The following ZNF69 variants were observed in gnomAD, a reference collection of about 807,000 sequenced individuals.
ZNF69 encodes ZNF3.
ZNF69 carries 47 observed loss-of-function variants against 50.9 expected under a neutral mutation model. That is an observed-to-expected ratio of 0.92 (90% CI 0.73 to 1.18). The LOEUF (loss-of-function observed/expected upper bound fraction) is 1.18, where lower values mean the gene tolerates loss of function less well. ZNF69 is among the 50% of genes most tolerant of loss of function. The pLI is 0.00. For synonymous variants in ZNF69, 216 were observed against 223.1 expected, an observed-to-expected ratio of 0.97 and a Z score of 0.29; for missense variants, 717 against 675.1, an observed-to-expected ratio of 1.06 and a Z score of -0.69.
At chr19:11,910,022 C>T (rs1972434304), downstream of ZNF69, among the ~76,000 whole-genome samples, 1 of 150,776 alleles carries the variant, frequency 6.6e-6, no homozygotes, top group Admixed American at 6.6e-5. Flanking sequence ...TCCTATACAC[C>T]AACAACAGAC....
Position 11,887,960 on chromosome 19 carries a change from C to A in ZNF69, c.37C>A (p.Pro13Thr), listed in dbSNP as rs751209722. The A allele has an allele frequency of 3.1e-6, 5 of 1,612,598 alleles. No homozygotes were observed. The African/African-American group carries it at 6.7e-5, about 22-fold the overall frequency. The change falls in exon 1 of 4, where the codon CCC becomes ACC. Residue 13 changes from proline to threonine, a missense_variant. Physicochemically the swap from Pro to Thr is conservative, Grantham distance 38. Coordinates refer to ENST00000429654, the MANE Select transcript of ZNF69 (RefSeq NM_001364730.1). Reference sequence around the variant, plus strand: ...TAGTCACAGGAGGTGTAGAGAGGACCCCGGGACATCTGAAAGCCAGGAAAT... The same window carrying A: ...TAGTCACAGGAGGTGTAGAGAGGACACCGGGACATCTGAAAGCCAGGAAAT... ...CCSHRRCRED[P>T]GTSESQEMDP...
At chr19:11,924,907 T>TCCAATAA in the ZNF69 span, among the ~76,000 whole-genome samples, 13 of 152,302 alleles carry the variant, frequency 8.5e-5, no homozygotes, top group Admixed American at 2.0e-4. Context: ...AATGCAAATA[T>TCCAATAA]CCAATAACCA....
the ZNF69 span, among the ~76,000 whole-genome samples, chr19:11,974,762 C>G: frequency 6.6e-6 from 1 of 152,068 alleles, no homozygotes; most frequent in South Asian, 2.1e-4. Context: ...GCCACCACAC[C>G]TAGCTAATTT....
At chr19:11,966,437 G>GA in the ZNF69 span, among the ~76,000 whole-genome samples, 3 of 152,154 alleles carry the variant, frequency 2.0e-5, no homozygotes, top group African/African-American at 7.2e-5. Flanking sequence ...GCAATGGCTG[G>GA]ATCTCGGCTC....
At chr19:11,957,825 A>G in the ZNF69 span, among the ~76,000 whole-genome samples, 1 of 152,092 alleles carries the variant, frequency 6.6e-6, no homozygotes, top group African/African-American at 2.4e-5. Context: ...AGCCTGGGCT[A>G]CAGAACAAGA....
rs143530496 is a variant in ZNF69 at position 11,893,829 on chromosome 19, C to G, written c.63+5843C>G. ...CCAATTCTTGGGGTGCTCAACTTCT[C>G]TCTCCCAACTCCAATTTCCATTAAT... On this transcript the variant is annotated intron_variant, in intron 1 of 3. Coordinates refer to ENST00000429654, the MANE Select transcript of ZNF69 (RefSeq NM_001364730.1). Among the ~76,000 whole-genome samples, 460 of 152,256 alleles carry G rather than the reference C, an allele frequency of 3.0e-3. 6 individuals are homozygous for G. The East Asian group carries it at 0.035, about 12-fold the overall frequency.
chr19:11,946,777 G>C, the ZNF69 span: 1 of 160,090 alleles, frequency 6.2e-6, no homozygotes, highest in Non-Finnish European at 1.4e-5. Context: ...AGTGGGGTGG[G>C]CTTACTTTGT....
chr19:11,978,928 C>A, the ZNF69 span: 3 of 1,614,062 alleles, frequency 1.9e-6, no homozygotes, highest in Non-Finnish European at 2.5e-6. Flanking sequence ...AGGAGTCACA[C>A]GGGAGAGAAG....
At chr19:11,912,499 T>C (rs1972471654) in intron 4 of ZNF69, among the ~76,000 whole-genome samples, 1 of 152,196 alleles carries the variant, frequency 6.6e-6, no homozygotes, top group Non-Finnish European at 1.5e-5. Context: ...TTCAATATCA[T>C]GAAAGAATTC....
At chr19:11,971,920 G>T in the ZNF69 span, among the ~76,000 whole-genome samples, 1 of 152,114 alleles carries the variant, frequency 6.6e-6, no homozygotes, top group Admixed American at 6.5e-5. Flanking sequence ...AAATTAGCCA[G>T]GCGTGGTGGC....
chr19:11,974,117 CTTTCTTTCTTTT>C, the ZNF69 span, among the ~76,000 whole-genome samples: 1 of 79,636 alleles, frequency 1.3e-5, no homozygotes, highest in African/African-American at 5.0e-5. Context: ...TTCTTTCTTT[CTTTCTTTCTTTT>C]CTTTCTTTCT....
At chr19:11,906,772 C>T (rs1016134184), downstream of ZNF69, among the ~76,000 whole-genome samples, 7 of 152,350 alleles carry the variant, frequency 4.6e-5, no homozygotes, top group African/African-American at 1.2e-4. Flanking sequence ...CGCCTCTTCT[C>T]CTCCAAAGGA....
rs772264142 is a variant in ZNF69, at chr19:11,904,984, A to G, written c.587A>G (p.Glu196Gly). The G allele has an allele frequency of 6.2e-7, 1 of 1,614,190 alleles. No homozygotes were observed. Among genetic ancestry groups the G allele is most frequent in the South Asian group, 1.1e-5 (1 of 91,086 alleles). ...GGAGAGAAACCCTATGCTTGTAAAG[A>G]ATGTGGAAAAACTTTTATTTCCCAT... ...HTGEKPYACKECGKTFISHSS... is the reference protein window; with the variant it reads ...HTGEKPYACKGCGKTFISHSS... The change falls in exon 4 of 4, where the codon GAA becomes GGA. Residue 196 changes from glutamate to glycine, a missense_variant. Transcript: ENST00000429654.
At chr19:11,926,078 T>C in the ZNF69 span, among the ~76,000 whole-genome samples, 2 of 150,026 alleles carry the variant, frequency 1.3e-5, no homozygotes, top group Non-Finnish European at 2.9e-5. Flanking sequence ...TTGGAGGAGG[T>C]AGGAAGGAAG....
At chr19:11,948,751 A>C in the ZNF69 span, 2 of 1,611,950 alleles carry the variant, frequency 1.2e-6, no homozygotes, top group Non-Finnish European at 1.7e-6. Context: ...CCATGAAAGA[A>C]CTCACACTGG....
chr19:11,905,698 A>G lies in ZNF69; in HGVS notation c.1301A>G (p.His434Arg), dbSNP rs1050113741. 1 of 1,614,040 alleles carries G rather than the reference A, an allele frequency of 6.2e-7. No homozygotes were observed. Among genetic ancestry groups the G allele is most frequent in the South Asian group, 1.1e-5 (1 of 91,076 alleles). The change falls in exon 4 of 4, where the codon CAT becomes CGT. Residue 434 changes from histidine (H) to arginine (R), a missense_variant. His to Arg is a conservative substitution (Grantham distance 29, BLOSUM62 0). Coordinates refer to ENST00000429654, the MANE Select transcript of ZNF69 (RefSeq NM_001364730.1). ...AFRSSSHLQL[H>R]GRTHTGEKPY... ...AGATCTTCCTCACACCTTCAATTGC[A>G]TGGTAGGACTCACACTGGAGAGAAG...
At chr19:11,947,449 G>T in the ZNF69 span, 7 of 1,601,738 alleles carry the variant, frequency 4.4e-6, no homozygotes, top group Non-Finnish European at 6.0e-6. Flanking sequence ...CATGGGCACA[G>T]AATCTAATAA....
chr19:11,978,003 G>T, the ZNF69 span: 1 of 1,319,218 alleles, frequency 7.6e-7, no homozygotes, highest in South Asian at 1.4e-5. Flanking sequence ...AAACAATTCA[G>T]CCAGGGCAGA....
At chr19:11,916,378 G>A (rs184516462), downstream of ZNF69, among the ~76,000 whole-genome samples, 630 of 152,302 alleles carry the variant, frequency 4.1e-3, 4 homozygotes, top group African/African-American at 0.015. Flanking sequence ...ACTTTGGGAG[G>A]CTGAGGCAGG....
Sources: allele counts gnomAD v4.1 joint callset (sites outside exome capture counted in the v4.1 genomes callset), GRCh38; gene constraint gnomAD v4.1.1; transcripts MANE v1.5; gene names NCBI Gene and HGNC (gene_info 2026-07-23, HGNC 2026-07-21).